The following GRM5 variants were observed in gnomAD, a reference collection of about 807,000 sequenced individuals.
The protein encoded by GRM5 is glutamate metabotropic receptor 5.
Under a neutral mutation model 83.1 loss-of-function variants are expected in GRM5, and 19 were observed. The observed-to-expected ratio is 0.23, with a 90% CI of 0.16 to 0.34. The LOEUF (loss-of-function observed/expected upper bound fraction) is 0.34, where lower values mean the gene tolerates loss of function less well. Among genes scored for constraint, GRM5 ranks in the 10% least tolerant of loss-of-function variants. The pLI is 1.00. For synonymous variants in GRM5, 675 were observed against 633.6 expected (o/e 1.07, Z -0.98); for missense variants, 1,160 against 1,588.3 (o/e 0.73, Z 4.58).
intron 9 of GRM5, among the ~76,000 whole-genome samples, chr11:88,519,462 A>G (rs61903512): frequency 0.15 from 22,815 of 151,992 alleles, 1,908 homozygotes; most frequent in African/African-American, 0.19. Flanking sequence ...TGATTATAGT[A>G]TGTGAATTGC....
At chr11:88,606,602 G>A (rs935910916) in intron 4 of GRM5, among the ~76,000 whole-genome samples, 2 of 152,216 alleles carry the variant, frequency 1.3e-5, no homozygotes, top group Non-Finnish European at 2.9e-5. Flanking sequence ...GTTGAGGCTA[G>A]GGAGGGACAT....
At chr11:89,009,023 T>C in intron 2 of GRM5, 1 of 717,730 alleles carries the variant, frequency 1.4e-6, no homozygotes, top group Non-Finnish European at 2.6e-6. Context: ...TTAGCCCTAT[T>C]GTTTTACACA....
chr11:88,762,218 C>T (rs903889660), intron 3 of GRM5, among the ~76,000 whole-genome samples: 2 of 152,048 alleles, frequency 1.3e-5, no homozygotes, highest in African/African-American at 2.4e-5. Context: ...AGCTTCTGCA[C>T]AGCAAAAGAA....
rs1173460959 is a variant in GRM5, at chr11:88,670,332, G to A, written c.912-16929C>T. On this transcript the variant is annotated intron_variant, in intron 3 of 9. Transcript: ENST00000305447. ...AAGGAGATATTTTCACCATAGAATA[G>A]GAAAGAGTTTTCAAAAAGGGCATAG... Among the ~76,000 whole-genome samples, 3 of 152,018 alleles carry A rather than the reference G, an allele frequency of 2.0e-5. No homozygotes were observed. The South Asian group carries it at 6.2e-4, about 32-fold the overall frequency.
chr11:88,996,434 A>C (rs574051746), intron 2 of GRM5, among the ~76,000 whole-genome samples: 1 of 152,350 alleles, frequency 6.6e-6, no homozygotes, highest in South Asian at 2.1e-4. Context: ...TTGAATGATG[A>C]TACATCAGGT....
chr11:88,681,860 T>C (rs1940503206), intron 3 of GRM5, among the ~76,000 whole-genome samples: 1 of 151,954 alleles, frequency 6.6e-6, no homozygotes, highest in Admixed American at 6.6e-5. Context: ...TGAGTCACTG[T>C]GCCCAGCCCT....
intron 3 of GRM5, among the ~76,000 whole-genome samples, chr11:88,724,194 G>A (rs1163789508): frequency 2.6e-5 from 4 of 152,142 alleles, no homozygotes; most frequent in African/African-American, 4.8e-5. Context: ...CCACATGAGT[G>A]TTGTTACTAA....
At chr11:88,935,499 CA>C (rs1335672184) in intron 2 of GRM5, among the ~76,000 whole-genome samples, 1 of 151,732 alleles carries the variant, frequency 6.6e-6, no homozygotes, top group Non-Finnish European at 1.5e-5. Flanking sequence ...TGCTTAGGCC[CA>C]AAGGTAGTGC....
At chr11:88,715,291 C>T (rs143754914) in intron 3 of GRM5, among the ~76,000 whole-genome samples, 37 of 151,972 alleles carry the variant, frequency 2.4e-4, no homozygotes, top group Admixed American at 1.6e-3. Flanking sequence ...TTCTTAGGAA[C>T]GACCTGCAGA....
intron 2 of GRM5, among the ~76,000 whole-genome samples, chr11:88,930,893 T>C (rs1367561729): frequency 1.3e-5 from 2 of 151,912 alleles, no homozygotes; most frequent in African/African-American, 4.8e-5. Flanking sequence ...CAAAAGTAAA[T>C]AGATTTATGA....
intron 3 of GRM5, among the ~76,000 whole-genome samples, chr11:88,716,895 AT>A (rs1222831928): frequency 6.6e-6 from 1 of 151,838 alleles, no homozygotes; most frequent in African/African-American, 2.4e-5. Context: ...AAATTCACTC[AT>A]TTTTTCTAAG....
chr11:88,909,187 C>A (rs1180041340), intron 2 of GRM5, among the ~76,000 whole-genome samples: 1 of 152,060 alleles, frequency 6.6e-6, no homozygotes, highest in Non-Finnish European at 1.5e-5. Context: ...GCCTTGGAAA[C>A]CTTGTGGGAA....
intron 2 of GRM5, among the ~76,000 whole-genome samples, chr11:88,887,153 A>C (rs972704024): frequency 2.3e-4 from 35 of 152,178 alleles, no homozygotes; most frequent in African/African-American, 8.4e-4. Flanking sequence ...AATTAGGATT[A>C]AAATGTCTTC....
chr11:89,032,810 A>G (rs987753817), intron 2 of GRM5, among the ~76,000 whole-genome samples: 1 of 152,056 alleles, frequency 6.6e-6, no homozygotes, highest in African/African-American at 2.4e-5. Context: ...TTTCTTGATG[A>G]CTACTCAGAG....
intron 3 of GRM5, among the ~76,000 whole-genome samples, chr11:88,800,241 A>G (rs929160479): frequency 5.3e-5 from 8 of 152,134 alleles, no homozygotes; most frequent in African/African-American, 1.9e-4. Flanking sequence ...AGTTCTATAA[A>G]GTCAAATCTC....
intron 3 of GRM5, among the ~76,000 whole-genome samples, chr11:88,723,708 C>T (rs901091960): frequency 1.3e-5 from 2 of 151,946 alleles, no homozygotes; most frequent in Non-Finnish European, 1.5e-5. Context: ...CAGTGTCAAC[C>T]TTTGTGTACT....
rs1565279878 is a variant in GRM5 at position 88,891,611 on chromosome 11, T to TAAGTATATG, written c.662-41457_662-41456insCATATACTT. On this transcript the variant is annotated intron_variant, in intron 2 of 9. Transcript: ENST00000305447. Reference sequence around the variant, plus strand: ...ATGGGATTTCTAAAATTCTAATGTCTCATAATTAATTTTAAAATTATTGTA... The same window carrying TAAGTATATG: ...ATGGGATTTCTAAAATTCTAATGTCTAAGTATATGCATAATTAATTTTAAAATTATTGTA... Among the ~76,000 whole-genome samples, 7 of 53,724 alleles carry TAAGTATATG rather than the reference T, an allele frequency of 1.3e-4. 1 individual carries two copies. The highest frequency in any genetic ancestry group is 0.016 in the Middle Eastern group (2 of 122). The allele number at this position is 53,724 out of a possible 152,430, so 35.2% of individuals were successfully genotyped here.
At chr11:88,593,181 C>G (rs1044552438) in intron 6 of GRM5, among the ~76,000 whole-genome samples, 1 of 152,074 alleles carries the variant, frequency 6.6e-6, no homozygotes, top group Non-Finnish European at 1.5e-5. Context: ...AGACTAAATC[C>G]TTTCATGGAA....
At chr11:88,915,089 C>T (rs941682009) in intron 2 of GRM5, among the ~76,000 whole-genome samples, 3 of 152,002 alleles carry the variant, frequency 2.0e-5, no homozygotes, top group Non-Finnish European at 4.4e-5. Flanking sequence ...AATAACTATA[C>T]TATTTTGAGC....
Sources: allele counts gnomAD v4.1 joint callset (sites outside exome capture counted in the v4.1 genomes callset), GRCh38; gene constraint gnomAD v4.1.1; transcripts MANE v1.5; gene names NCBI Gene and HGNC (gene_info 2026-07-23, HGNC 2026-07-21).